TEKT4: variants seen among roughly 807,000 people sequenced by gnomAD.
TEKT4 encodes the protein tektin-4.
Under a neutral mutation model 46.0 loss-of-function variants are expected in TEKT4, and 46 were observed. The ratio of observed to expected loss-of-function variants is 1.00; its 90% confidence interval spans 0.79 to 1.28. The LOEUF (loss-of-function observed/expected upper bound fraction) is 1.28. Ranked by LOEUF, TEKT4 falls within the 50% of genes most tolerant of loss-of-function variation. The probability of loss-of-function intolerance (pLI) is 0.00; values close to 1 mark genes in which losing one functional copy is unlikely to be tolerated. For synonymous variants in TEKT4, 325 were observed against 265.8 expected (o/e 1.22, Z -2.17); for missense variants, 790 against 622.9 (o/e 1.27, Z -2.85).
chr2:94,875,746 C>CT lies in TEKT4; in HGVS notation c.1091+5dup. ...GCCGTGACGCAGCCCAGTTCAGGTG[C>CT]TGCCTGGGCCTCTGAGGCAGTCCCA... On this transcript the variant is annotated splice_donor_region_variant and intron_variant, in intron 5 of 5. Transcript: ENST00000295201. The CT allele has an allele frequency of 6.2e-7, 1 of 1,612,680 alleles. No homozygotes were observed. The highest frequency in any genetic ancestry group is 1.1e-5 in the South Asian group (1 of 90,908).
intron 1 of TEKT4, chr2:94,873,199 G>A (rs200297692): frequency 1.7e-5 from 21 of 1,256,930 alleles, no homozygotes; most frequent in Non-Finnish European, 2.1e-5. Flanking sequence ...GAGGCCAAGG[G>A]CAGGCCAACG....
chr2:94,876,493 C>A, intron 5 of TEKT4, 60 bp from the exon 6 acceptor site: 1 of 1,484,118 alleles, frequency 6.7e-7, no homozygotes, highest in Non-Finnish European at 9.1e-7. Flanking sequence ...CCCCTACACC[C>A]CGGTAGGTGC....
At chr2:94,873,404 G>A in intron 1 of TEKT4, 116 bp from the exon 2 acceptor site, 16 of 1,566,110 alleles carry the variant, frequency 1.0e-5, no homozygotes, top group East Asian at 2.3e-5. Context: ...CAGAGCTCAG[G>A]CCCGGCATTC....
At chr2:94,875,854 G>A in intron 5 of TEKT4, 112 bp downstream of exon 5, 2 of 1,120,020 alleles carry the variant, frequency 1.8e-6, no homozygotes, top group Non-Finnish European at 1.3e-6. Flanking sequence ...CAGGTGCTGA[G>A]AGGGGAGGGA....
intron 5 of TEKT4, 34 bp from the exon 6 acceptor site, chr2:94,876,519 C>G: frequency 6.4e-7 from 1 of 1,568,080 alleles, no homozygotes; most frequent in Non-Finnish European, 8.6e-7. Flanking sequence ...TCTGCCCTCC[C>G]TAGCCCCGGC....
intron 4 of TEKT4, among the ~76,000 whole-genome samples, 157 bp downstream of exon 4, chr2:94,875,155 A>G (rs782480074): frequency 2.0e-5 from 3 of 152,186 alleles, no homozygotes; most frequent in Non-Finnish European, 2.9e-5. Context: ...GGTATGATCG[A>G]CCGGTGTTGC....
Position 94,876,597 on chromosome 2 carries a change from T to C in TEKT4, c.1136T>C (p.Leu379Pro), listed in dbSNP as rs1553396673. 3.1e-6 allele frequency: 5 copies of C among 1,611,990 alleles called. No homozygotes were observed. The highest frequency in any genetic ancestry group is 4.2e-6 in the Non-Finnish European group (5 of 1,179,626). ...GAGCTGAACATGTCCCTCACAGCAC[T>C]GCGAGAGAAGCTTCTAGAAGCGGAG... is the stretch of plus-strand genomic sequence containing the variant. ...VEELNMSLTA[L>P]REKLLEAEQS... is the part of the protein sequence containing the mutation. The change falls in exon 6 of 6, where the codon CTG (leucine) becomes CCG (proline). Residue 379 changes from leucine (L) to proline (P), a missense_variant. Leu to Pro is a moderately conservative substitution (Grantham distance 98). Transcript: ENST00000295201.
chr2:94,872,526 T>C, intron 1 of TEKT4: 1 of 307,398 alleles, frequency 3.3e-6, no homozygotes. Context: ...CACCCACAGG[T>C]CCCCTCTCCT....
chr2:94,872,753 C>T (rs1435069786), intron 1 of TEKT4: 7 of 1,220,162 alleles, frequency 5.7e-6, no homozygotes, highest in Non-Finnish European at 7.5e-6. Flanking sequence ...CAAGCTCAGG[C>T]AAGAACCCTT....
chr2:94,875,813 A>C, intron 5 of TEKT4, 71 bp downstream of exon 5: 2 of 1,465,910 alleles, frequency 1.4e-6, no homozygotes, highest in Non-Finnish European at 1.9e-6. Context: ...TCTCCAATAA[A>C]CACTCCAACA....
Position 94,873,531 on chromosome 2 carries a change from C to T in TEKT4, c.510C>T (p.Leu170=), listed in dbSNP as rs1553395341. The T allele has an allele frequency of 6.2e-7, 1 of 1,612,446 alleles. No individual in the cohort carries two copies. Among genetic ancestry groups the T allele is most frequent in the South Asian group, 1.1e-5 (1 of 91,002 alleles). ...GTCTCCTCCCTCAGGAAGCCGAGCT[C>T]ATCCGGAACATTCAGGAGCTGCTGA... is the stretch of plus-strand genomic sequence containing the variant. ...VETELLKEAE[L]IRNIQELLKR... Residue 170 remains leucine (L), a synonymous_variant, in exon 2 of 6, where the codon CTC becomes CTT. Coordinates refer to ENST00000295201, the MANE Select transcript of TEKT4 (RefSeq NM_144705.4).
At chr2:94,873,392 G>A (rs1267148632) in intron 1 of TEKT4, 128 bp from the exon 2 acceptor site, 38 of 1,541,946 alleles carry the variant, frequency 2.5e-5, no homozygotes, top group Non-Finnish European at 3.2e-5. Flanking sequence ...AACTTACACA[G>A]TCAGAGCTCA....
At position 94,876,539 on chromosome 2, in the gene TEKT4, C is replaced by G. The variant is rs200497825; in HGVS notation, c.1092-14C>G. ...CCTCCCTAGCCCCGGCTCACACCCC[C>G]CCAACACCCCCAGGCTGTTGAGTGA... On this transcript the variant is annotated splice_polypyrimidine_tract_variant and intron_variant, in intron 5 of 5. Transcript: ENST00000295201. 5.0e-6 allele frequency: 8 copies of G among 1,594,686 alleles called. No homozygotes were observed. In the Admixed American group the frequency reaches 5.2e-5, roughly 10 times the overall value.
Position 94,871,544 on chromosome 2 carries a change from T to C in TEKT4, c.-36T>C, listed in dbSNP as rs1553394392. The stretch of plus-strand genomic sequence containing the variant: ...ACCGCAACCGGCTGACCACACACAG[T>C]CCTCACTCCCCTGGCCCTGGTGGGC... On this transcript the variant is annotated 5_prime_UTR_variant, in exon 1 of 6. Transcript: ENST00000295201. 6.5e-7 allele frequency: 1 copy of C among 1,546,740 alleles called. No individual in the cohort carries two copies. Among genetic ancestry groups the C allele is most frequent in the South Asian group, 1.2e-5 (1 of 81,108 alleles).
chr2:94,873,318 AC>A, intron 1 of TEKT4: 1 of 1,428,138 alleles, frequency 7.0e-7, no homozygotes, highest in Non-Finnish European at 9.2e-7. Flanking sequence ...GGAGGAAAAC[AC>A]CCCACTTACA....
chr2:94,872,132 C>A, intron 1 of TEKT4, 55 bp downstream of exon 1: 6 of 1,475,880 alleles, frequency 4.1e-6, no homozygotes, highest in Non-Finnish European at 4.5e-6. Flanking sequence ...AGGAGCCCCC[C>A]CCCCCGCAGT....
At chr2:94,874,508 C>T (rs1231917331) in intron 3 of TEKT4, among the ~76,000 whole-genome samples, 2 of 96,508 alleles carry the variant, frequency 2.1e-5, no homozygotes, top group Admixed American at 2.5e-4. Flanking sequence ...TCCGGGGCAG[C>T]GGTGCTGGGA....
At chr2:94,872,875 C>A (rs1447454452) in intron 1 of TEKT4, 17 of 1,289,284 alleles carry the variant, frequency 1.3e-5, no homozygotes, top group Non-Finnish European at 1.7e-5. Context: ...CGCAAACTCT[C>A]TGCCCGCAAC....
intron 3 of TEKT4, 136 bp downstream of exon 3, chr2:94,874,244 C>T (rs1680720090): frequency 1.1e-6 from 1 of 946,094 alleles, no homozygotes; most frequent in Admixed American, 2.7e-5. Flanking sequence ...AACTGTCTGC[C>T]CCTGGCATGA....
Sources: gnomAD v4.1 joint callset for allele counts (sites outside exome capture counted in the v4.1 genomes callset) on GRCh38, gnomAD v4.1.1 for gene constraint, MANE v1.5 for transcripts, NCBI Gene and HGNC (gene_info 2026-07-23, HGNC 2026-07-21) for gene names.